RTN4: variants seen among roughly 807,000 people sequenced by gnomAD.
RTN4 encodes the protein reticulon 4.
In RTN4, 32 loss-of-function variants were observed where a neutral mutation model predicts 90.4. That is an observed-to-expected ratio of 0.35 (90% CI 0.27 to 0.48). The LOEUF (loss-of-function observed/expected upper bound fraction) is 0.48, where lower values mean the gene tolerates loss of function less well. Ranked by LOEUF, RTN4 falls within the 20% of genes least tolerant of loss-of-function variation. The pLI, the probability that RTN4 is intolerant of heterozygous loss-of-function variation, is 0.99. For missense variants in RTN4, 1,706 were observed against 1,430.2 expected (o/e 1.19, Z -3.11); for synonymous variants, 629 against 552.5 (o/e 1.14, Z -1.94).
At chr2:55,036,682 C>A (rs1188792527) in intron 1 of RTN4, among the ~76,000 whole-genome samples, 1 of 144,614 alleles carries the variant, frequency 6.9e-6, no homozygotes, top group Non-Finnish European at 1.5e-5. Flanking sequence ...ATAGTAACAA[C>A]AGCCCGAAAA....
intron 2 of RTN4, among the ~76,000 whole-genome samples, chr2:55,074,730 A>G (rs1395602556): frequency 1.3e-5 from 2 of 152,196 alleles, no homozygotes; most frequent in African/African-American, 4.8e-5. Context: ...ATAATCCACC[A>G]TGATCAAATG....
In RTN4 at chr2:54,976,604, A is replaced by C. The variant is rs77065339; in HGVS notation, c.3361-1840T>G. Among the ~76,000 whole-genome samples, 1,191 of 152,290 alleles carry C rather than the reference A, an allele frequency of 7.8e-3. 17 individuals are homozygous for C. The highest frequency in any genetic ancestry group is 0.028 in the African/African-American group (1,146 of 41,542). Reference sequence around the variant, plus strand: ...TAAATGTTGCAGCTATGTTGAGAAAACTGAATACTTCGGCGGCCCAAAACA... The same window carrying C: ...TAAATGTTGCAGCTATGTTGAGAAACCTGAATACTTCGGCGGCCCAAAACA... On this transcript the variant is annotated intron_variant, in intron 5 of 8. Coordinates refer to ENST00000337526, the MANE Select transcript of RTN4 (RefSeq NM_020532.5).
upstream of RTN4, among the ~76,000 whole-genome samples, chr2:55,114,456 T>C (rs1668089034): frequency 6.6e-6 from 1 of 152,176 alleles, no homozygotes; most frequent in Non-Finnish European, 1.5e-5. Context: ...CCCATCACTT[T>C]AGGAGGCCGA....
At chr2:55,119,089 A>AGAGGTGGG in the RTN4 span, among the ~76,000 whole-genome samples, 1 of 152,296 alleles carries the variant, frequency 6.6e-6, no homozygotes, top group African/African-American at 2.4e-5. Context: ...AAAGAAATAC[A>AGAGGTGGG]AGGGAAGGAG....
At chr2:55,067,701 C>T (rs1359848013) in intron 2 of RTN4, among the ~76,000 whole-genome samples, 1 of 152,114 alleles carries the variant, frequency 6.6e-6, no homozygotes, top group Non-Finnish European at 1.5e-5. Flanking sequence ...AGGCGTGAGC[C>T]CCACACCTGG....
At chr2:55,020,398 T>C (rs1681338332) in intron 3 of RTN4, among the ~76,000 whole-genome samples, 1 of 148,650 alleles carries the variant, frequency 6.7e-6, no homozygotes, top group Non-Finnish European at 1.5e-5. Context: ...TTAATTAACA[T>C]ATCTATAGCC....
At chr2:54,991,698 A>C (rs181073996) in intron 3 of RTN4, among the ~76,000 whole-genome samples, 2 of 152,230 alleles carry the variant, frequency 1.3e-5, no homozygotes, top group South Asian at 2.1e-4. Flanking sequence ...TAATTTTAAA[A>C]TATTTCCTTC....
At chr2:55,042,487 T>G (rs1252049481) in intron 1 of RTN4, among the ~76,000 whole-genome samples, 2 of 152,202 alleles carry the variant, frequency 1.3e-5, no homozygotes, top group Non-Finnish European at 2.9e-5. Context: ...GATATACATG[T>G]ATAAATAAAT....
At position 55,057,728 on chromosome 2, in the gene RTN4, T is replaced by TAATC. The variant is rs557052116; in HGVS notation, c.-63+22757_-63+22760dup. 5.9e-5 allele frequency among the ~76,000 whole-genome samples: 9 copies of TAATC among 152,296 alleles called. No homozygotes were observed. In the East Asian group the frequency reaches 1.7e-3, roughly 29 times the overall value. On this transcript the variant is annotated intron_variant, in intron 2 of 3. Transcript: ENST00000427710. ...ACCCAGGCCTGGTGGTTCACGCCTA[T>TAATC]AATCCCAGCACCTAGGGAGGCCAAA...
At chr2:55,003,767 T>A (rs1680011142) in intron 3 of RTN4, among the ~76,000 whole-genome samples, 1 of 152,158 alleles carries the variant, frequency 6.6e-6, no homozygotes, top group African/African-American at 2.4e-5. Context: ...CTGTCATTAT[T>A]CCCTGAACAA....
intron 2 of RTN4, among the ~76,000 whole-genome samples, chr2:55,061,496 C>T (rs998192498): frequency 6.6e-6 from 1 of 152,180 alleles, no homozygotes; most frequent in Non-Finnish European, 1.5e-5. Flanking sequence ...TTATCCAAAC[C>T]AGGATCCAAC....
At chr2:54,989,185 A>G (rs1489774272) in intron 3 of RTN4, among the ~76,000 whole-genome samples, 3 of 152,242 alleles carry the variant, frequency 2.0e-5, no homozygotes, top group Non-Finnish European at 4.4e-5. Context: ...TGCTGCTAGT[A>G]TATCATGAGT....
intron 2 of RTN4, among the ~76,000 whole-genome samples, chr2:55,070,207 A>G (rs1035218813): frequency 2.6e-5 from 4 of 151,886 alleles, no homozygotes; most frequent in Non-Finnish European, 4.4e-5. Context: ...ACCAGCTGCT[A>G]CTCACTAGAT....
intron 5 of RTN4, among the ~76,000 whole-genome samples, chr2:54,982,088 C>A (rs994071608): frequency 6.6e-6 from 1 of 152,006 alleles, no homozygotes; most frequent in African/African-American, 2.4e-5. Context: ...TCCTGAGTAG[C>A]TGGGATTACA....
At chr2:55,018,965 G>A (rs1389330191) in intron 3 of RTN4, among the ~76,000 whole-genome samples, 2 of 152,020 alleles carry the variant, frequency 1.3e-5, no homozygotes, top group East Asian at 1.9e-4. Flanking sequence ...GCTGGGACAC[G>A]GTAAGCATAA....
At chr2:55,104,235 T>C (rs972462510) in intron 1 of RTN4, among the ~76,000 whole-genome samples, 3 of 150,618 alleles carry the variant, frequency 2.0e-5, no homozygotes, top group Non-Finnish European at 4.4e-5. Context: ...TGCTTTTTTT[T>C]AAGTAGAGAC....
At chr2:55,079,468 G>C (rs1668664339) in intron 2 of RTN4, among the ~76,000 whole-genome samples, 1 of 152,192 alleles carries the variant, frequency 6.6e-6, no homozygotes. Flanking sequence ...GGGAGAGCAA[G>C]GAAAGCACAC....
intron 1 of RTN4, chr2:55,049,096 C>A: frequency 2.0e-6 from 2 of 985,854 alleles, no homozygotes; most frequent in Non-Finnish European, 2.4e-6. Context: ...CTCTCCTTCC[C>A]ATTTCTCCAC....
chr2:55,026,618 T>C lies in RTN4; in HGVS notation c.1481A>G (p.Glu494Gly), dbSNP rs200836354. Residue 494 changes from glutamate (E) to glycine (G), a missense_variant, in exon 3 of 9, where the codon GAA (glutamate) becomes GGA (glycine). By Grantham distance (98) the Glu-to-Gly change is moderately conservative. Transcript: ENST00000337526. ...GGCCTTCTTTTCTTCTATTTTTTTT[T>C]CATCGGTCTTATTTTCTGAAGTAGG... ...GDPTSENKTD[E>G]KKIEEKKAQI... is the part of the protein sequence containing the mutation. 14 of 1,612,166 alleles carry C rather than the reference T, an allele frequency of 8.7e-6. No individual in the cohort carries two copies. In the South Asian group the frequency reaches 1.1e-4, roughly 13 times the overall value.
Sources: allele counts gnomAD v4.1 joint callset (sites outside exome capture counted in the v4.1 genomes callset), GRCh38; gene constraint gnomAD v4.1.1; transcripts MANE v1.5; gene names NCBI Gene and HGNC (gene_info 2026-07-23, HGNC 2026-07-21).